The following TMEFF2 variants were observed in gnomAD, a reference collection of about 807,000 sequenced individuals.
TMEFF2 encodes tomoregulin-2.
A neutral mutation model predicts 53.8 loss-of-function variants in TMEFF2; 28 were observed. The ratio of observed to expected loss-of-function variants is 0.52; its 90% CI spans 0.39 to 0.71. The LOEUF (loss-of-function observed/expected upper bound fraction) is 0.71. Ranked by LOEUF, TMEFF2 falls within the 30% of genes least tolerant of loss-of-function variation. TMEFF2 has a pLI of 0.00. For synonymous variants in TMEFF2, 162 were observed against 166.3 expected (o/e 0.97, Z 0.20); for missense variants, 353 against 455.2 (o/e 0.78, Z 2.04).
intron 5 of TMEFF2, among the ~76,000 whole-genome samples, chr2:192,006,370 G>T (rs1686502056): frequency 6.6e-6 from 1 of 152,082 alleles, no homozygotes; most frequent in South Asian, 2.1e-4. Context: ...TCTTGCCCTG[G>T]GTGGTCCCAG....
chr2:192,115,612 A>G (rs560261042), intron 4 of TMEFF2, among the ~76,000 whole-genome samples: 2 of 152,182 alleles, frequency 1.3e-5, no homozygotes, highest in African/African-American at 2.4e-5. Context: ...TTCAAAATAT[A>G]TAAGGAACTC....
chr2:191,995,117 C>T (rs1686192586), intron 7 of TMEFF2, among the ~76,000 whole-genome samples: 1 of 151,892 alleles, frequency 6.6e-6, no homozygotes, highest in African/African-American at 2.4e-5. Flanking sequence ...GGCATTGCTC[C>T]CTTCGTTTGC....
chr2:192,062,692 T>G (rs377236242), intron 4 of TMEFF2, among the ~76,000 whole-genome samples: 4 of 152,174 alleles, frequency 2.6e-5, no homozygotes, highest in Admixed American at 2.0e-4. Flanking sequence ...GTGCTAACCT[T>G]GCATTCCTGG....
intron 5 of TMEFF2, among the ~76,000 whole-genome samples, chr2:192,019,642 T>C (rs1038038572): frequency 6.6e-6 from 1 of 152,030 alleles, no homozygotes; most frequent in Non-Finnish European, 1.5e-5. Flanking sequence ...TTGTCTTTTT[T>C]TTTTCTTTTT....
At chr2:192,162,705 C>CTA (rs1690664415) in intron 4 of TMEFF2, among the ~76,000 whole-genome samples, 1 of 151,980 alleles carries the variant, frequency 6.6e-6, no homozygotes, top group Admixed American at 6.6e-5. Flanking sequence ...TTGCAATTTA[C>CTA]TATTAAAGAA....
chr2:192,059,967 G>T (rs1462058039), intron 4 of TMEFF2, among the ~76,000 whole-genome samples: 1 of 151,734 alleles, frequency 6.6e-6, no homozygotes, highest in Non-Finnish European at 1.5e-5. Flanking sequence ...TGACTTAATC[G>T]GTGCACAACT....
intron 5 of TMEFF2, among the ~76,000 whole-genome samples, chr2:192,053,706 A>G (rs1409210477): frequency 6.6e-6 from 1 of 152,226 alleles, no homozygotes; most frequent in Non-Finnish European, 1.5e-5. Flanking sequence ...ATCCAAAATC[A>G]ATAGCGTATC....
At chr2:192,140,832 T>C (rs1690119707) in intron 4 of TMEFF2, among the ~76,000 whole-genome samples, 1 of 152,178 alleles carries the variant, frequency 6.6e-6, no homozygotes, top group African/African-American at 2.4e-5. Flanking sequence ...CTTGCACGTA[T>C]TTTAGCCACA....
chr2:192,080,307 C>T (rs4609994), intron 4 of TMEFF2, among the ~76,000 whole-genome samples: 1,836 of 152,248 alleles, frequency 0.012, 17 homozygotes, highest in Non-Finnish European at 0.019. Flanking sequence ...CGGTTTCCCC[C>T]ATGCTATTCT....
intron 4 of TMEFF2, among the ~76,000 whole-genome samples, chr2:192,068,373 G>C (rs2105913301): frequency 6.6e-6 from 1 of 151,998 alleles, no homozygotes; most frequent in South Asian, 2.1e-4. Flanking sequence ...TGTATGAACA[G>C]AGGAATAAGA....
intron 4 of TMEFF2, among the ~76,000 whole-genome samples, chr2:192,140,716 C>A (rs1690117511): frequency 6.6e-6 from 1 of 152,078 alleles, no homozygotes; most frequent in Non-Finnish European, 1.5e-5. Context: ...ATTCCACAGG[C>A]AGAGGTAAGA....
At chr2:192,038,848 A>G (rs1687399821) in intron 5 of TMEFF2, among the ~76,000 whole-genome samples, 2 of 152,182 alleles carry the variant, frequency 1.3e-5, no homozygotes, top group African/African-American at 4.8e-5. Flanking sequence ...TTAAAAAGAA[A>G]GCCTTCCTGA....
chr2:191,964,318 TCCTTC>T (rs1397675413), intron 7 of TMEFF2, among the ~76,000 whole-genome samples: 1 of 142,736 alleles, frequency 7.0e-6, no homozygotes, highest in African/African-American at 2.8e-5. Context: ...TTTCTTTCCT[TCCTTC>T]CTTTCTTTCC....
At chr2:192,083,624 C>T (rs941564621) in intron 4 of TMEFF2, among the ~76,000 whole-genome samples, 7 of 151,698 alleles carry the variant, frequency 4.6e-5, no homozygotes, top group Non-Finnish European at 1.0e-4. Flanking sequence ...AAAAAATCCT[C>T]TACATAGCGG....
At chr2:192,014,420 TTC>T (rs1686701201) in intron 5 of TMEFF2, among the ~76,000 whole-genome samples, 1 of 152,226 alleles carries the variant, frequency 6.6e-6, no homozygotes, top group South Asian at 2.1e-4. Flanking sequence ...ATGCTTTAGA[TTC>T]TCTGTCTGAA....
chr2:192,049,577 C>G (rs910100712), intron 5 of TMEFF2, among the ~76,000 whole-genome samples: 1 of 152,038 alleles, frequency 6.6e-6, no homozygotes, highest in Non-Finnish European at 1.5e-5. Context: ...TCAGAATATG[C>G]TAGAAACTGA....
intron 5 of TMEFF2, among the ~76,000 whole-genome samples, chr2:192,047,276 C>T (rs1412651247): frequency 6.6e-6 from 1 of 152,172 alleles, no homozygotes; most frequent in Non-Finnish European, 1.5e-5. Flanking sequence ...TAATGTGAAG[C>T]TAATATTTTA....
rs1686760755 is a variant in TMEFF2, at chr2:192,017,084, A to T, written c.537-17876T>A. ...TGGTCGGGCACAGAAGTGGGAGACAAATCTCCAATATAGAGGAAAGAGTTT... is the reference window on the plus strand; with the variant it reads ...TGGTCGGGCACAGAAGTGGGAGACATATCTCCAATATAGAGGAAAGAGTTT... On this transcript the variant is annotated intron_variant, in intron 5 of 9. Coordinates refer to ENST00000272771, the MANE Select transcript of TMEFF2 (RefSeq NM_016192.4). Among the ~76,000 whole-genome samples, 3 of 152,324 alleles carry T rather than the reference A, an allele frequency of 2.0e-5. 1 individual carries two copies. The highest frequency in any genetic ancestry group is 1.3e-4 in the Admixed American group (2 of 15,308).
chr2:192,175,459 T>C (rs2106028655), intron 4 of TMEFF2, among the ~76,000 whole-genome samples: 1 of 151,748 alleles, frequency 6.6e-6, no homozygotes, highest in Admixed American at 6.6e-5. Flanking sequence ...ATAAAAACCA[T>C]ATGTCAACTG....
Sources: allele counts gnomAD v4.1 joint callset (sites outside exome capture counted in the v4.1 genomes callset), GRCh38; gene constraint gnomAD v4.1.1; transcripts MANE v1.5; gene names NCBI Gene and HGNC (gene_info 2026-07-23, HGNC 2026-07-21).